The following YTHDC2 variants were observed in gnomAD, a reference collection of about 807,000 sequenced individuals.
The protein encoded by YTHDC2 is YTH N6-methyladenosine RNA binding protein C2.
YTHDC2 carries 45 observed loss-of-function variants against 174.9 expected under a neutral mutation model. The observed-to-expected ratio is 0.26, with a 90% confidence interval of 0.20 to 0.33. The LOEUF is 0.33. Among genes scored for constraint, YTHDC2 ranks in the 10% least tolerant of loss-of-function variants. The pLI is 1.00. For synonymous variants in YTHDC2, 657 were observed against 574.5 expected, an observed-to-expected ratio of 1.14 and a Z score of -2.05; for missense variants, 1,650 against 1,723.7, an observed-to-expected ratio of 0.96 and a Z score of 0.76.
chr5:113,584,421 C>T lies in YTHDC2; in HGVS notation c.3767C>T (p.Thr1256Ile). ...TCAGATCAGTCTTCTCTGAAATCTA[C>T]AGACAGCAGTAGTTACCCAAGTCCT... ...DRSDQSSLKS[T>I]DSSSYPSPCA... The change falls in exon 26 of 30, where the codon ACA becomes ATA. Residue 1256 changes from threonine (T) to isoleucine (I), a missense_variant. By Grantham distance (89) the Thr-to-Ile change is moderately conservative (BLOSUM62 -1). This residue lies in a region of YTHDC2 where 913 missense variants were observed against 940.4 expected (regional missense o/e 0.97). Coordinates refer to ENST00000161863, the MANE Select transcript of YTHDC2 (RefSeq NM_022828.5). 1 of 1,613,812 alleles carries T rather than the reference C, an allele frequency of 6.2e-7. No individual in the cohort carries two copies. Among genetic ancestry groups the T allele is most frequent in the South Asian group, 1.1e-5 (1 of 91,038 alleles).
At chr5:113,581,941 G>T (rs1289722968) in intron 25 of YTHDC2, 2 of 309,524 alleles carry the variant, frequency 6.5e-6, no homozygotes, top group Non-Finnish European at 1.1e-5. Flanking sequence ...ATTTAATAAG[G>T]CAACTCTTTG....
chr5:113,575,898 G>C (rs1343264021), intron 23 of YTHDC2, among the ~76,000 whole-genome samples: 8 of 152,120 alleles, frequency 5.3e-5, no homozygotes. Flanking sequence ...AAGAGAAGTA[G>C]ATATAAAATT....
Position 113,534,280 on chromosome 5 carries a change from C to G in YTHDC2, c.843-25C>G, listed in dbSNP as rs956198473. 94 of 1,592,746 alleles carry G rather than the reference C, an allele frequency of 5.9e-5. 1 individual carries two copies. The Middle Eastern group carries it at 6.6e-4, about 11-fold the overall frequency. Reference sequence around the variant, plus strand: ...TACATGAAAAACTTGCAATTGTGCACTTTGTTTTGCTTTTTTTTTAAAAGG... The same window carrying G: ...TACATGAAAAACTTGCAATTGTGCAGTTTGTTTTGCTTTTTTTTTAAAAGG... On this transcript the variant is annotated intron_variant, in intron 5 of 29. Transcript: ENST00000161863.
rs777375476 is a variant in YTHDC2 at position 113,556,067 on chromosome 5, C to G, written c.2149C>G (p.Leu717Val). The G allele has an allele frequency of 1.2e-6, 2 of 1,603,396 alleles. No individual in the cohort carries two copies. ...AATATTACAGAAATCCTTTGATGCTCTGAATTTTGTTACAATGTTAAAAAT... is the reference window on the plus strand; with the variant it reads ...AATATTACAGAAATCCTTTGATGCTGTGAATTTTGTTACAATGTTAAAAAT... ...GKVKEKSFDA[L>V]NFVTMLKMVW... is the part of the protein sequence containing the mutation. Residue 717 changes from leucine (L) to valine (V), a missense_variant, in exon 17 of 30, where the codon CTG becomes GTG. Around this residue, in one of 5 missense-constraint regions of YTHDC2, gnomAD observed 913 missense variants for 940.4 expected, o/e 0.97. Transcript: ENST00000161863.
chr5:113,575,929 T>G (rs1476290308), intron 23 of YTHDC2, among the ~76,000 whole-genome samples: 1 of 151,002 alleles, frequency 6.6e-6, no homozygotes, highest in East Asian at 2.0e-4. Context: ...TACTAGTAAC[T>G]GCTAGATTGA....
At chr5:113,564,530 C>G (rs1430005146) in intron 20 of YTHDC2, among the ~76,000 whole-genome samples, 4 of 152,084 alleles carry the variant, frequency 2.6e-5, no homozygotes, top group Admixed American at 1.3e-4. Flanking sequence ...ATCGATTTTT[C>G]TTAGAGTTCA....
chr5:113,553,444 G>A, intron 13 of YTHDC2, 85 bp downstream of exon 13: 1 of 1,425,334 alleles, frequency 7.0e-7, no homozygotes. Flanking sequence ...TTATATAATT[G>A]CACTGATAGT....
At position 113,534,293 on chromosome 5, in the gene YTHDC2, T is replaced by G; in HGVS notation, c.843-12T>G. The G allele has an allele frequency of 1.2e-6, 2 of 1,607,256 alleles. No homozygotes were observed. Among genetic ancestry groups the G allele is most frequent in the Non-Finnish European group, 1.7e-6 (2 of 1,175,494 alleles). On this transcript the variant is annotated splice_polypyrimidine_tract_variant and intron_variant, in intron 5 of 29. Coordinates refer to ENST00000161863, the MANE Select transcript of YTHDC2 (RefSeq NM_022828.5). ...TGCAATTGTGCACTTTGTTTTGCTT[T>G]TTTTTTAAAAGGGTTTCTCCAAAGA...
Position 113,564,078 on chromosome 5 carries a change from C to T in YTHDC2, c.2662C>T (p.Arg888Cys), listed in dbSNP as rs750136743. The T allele has an allele frequency of 1.7e-5, 27 of 1,614,000 alleles. No homozygotes were observed. The highest frequency in any genetic ancestry group is 3.3e-4 in the Middle Eastern group (2 of 6,082). ...QKRAAMLCRK[R>C]FTAGAFSDHM... ...ACGTGCAGCTATGCTTTGTAGGAAACGTTTTACTGCAGGAGCTTTCAGTGA... is the reference window on the plus strand; with the variant it reads ...ACGTGCAGCTATGCTTTGTAGGAAATGTTTTACTGCAGGAGCTTTCAGTGA... The change falls in exon 20 of 30, where the codon CGT becomes TGT. Residue 888 changes from arginine to cysteine, a missense_variant. By Grantham distance (180) the Arg-to-Cys change is radical (BLOSUM62 -3). Coordinates refer to ENST00000161863, the MANE Select transcript of YTHDC2 (RefSeq NM_022828.5).
At chr5:113,527,179 TG>T (rs1330127183) in intron 4 of YTHDC2, among the ~76,000 whole-genome samples, 1 of 152,142 alleles carries the variant, frequency 6.6e-6, no homozygotes, top group Non-Finnish European at 1.5e-5. Context: ...ATTTATAAAA[TG>T]GGACTAATCA....
At chr5:113,561,503 T>A (rs1479865584) in intron 18 of YTHDC2, among the ~76,000 whole-genome samples, 5 of 149,914 alleles carry the variant, frequency 3.3e-5, no homozygotes, top group Non-Finnish European at 7.4e-5. Context: ...GAGTCTTGCT[T>A]TGTTGCCCAG....
chr5:113,548,700 C>G (rs1470012441), intron 11 of YTHDC2, 33 bp downstream of exon 11: 5 of 1,579,016 alleles, frequency 3.2e-6, no homozygotes, highest in Middle Eastern at 1.7e-4. Flanking sequence ...CTTCATATAT[C>G]TTTGTATAGC....
At chr5:113,584,577 T>C in intron 26 of YTHDC2, 98 bp downstream of exon 26, 7 of 1,093,820 alleles carry the variant, frequency 6.4e-6, no homozygotes, top group Non-Finnish European at 9.0e-6. Flanking sequence ...ACTTTTCTAA[T>C]TGTGGCCTCT....
chr5:113,545,408 G>A (rs1373392539), intron 10 of YTHDC2, among the ~76,000 whole-genome samples: 1 of 142,740 alleles, frequency 7.0e-6, no homozygotes, highest in Non-Finnish European at 1.5e-5. Context: ...TTTTGAAACA[G>A]GGTCTCACTT....
intron 4 of YTHDC2, among the ~76,000 whole-genome samples, chr5:113,529,765 T>TA (rs1774527001): frequency 6.6e-6 from 1 of 152,158 alleles, no homozygotes; most frequent in Non-Finnish European, 1.5e-5. Flanking sequence ...TTAAACATCT[T>TA]AAAAATAATT....
rs779153500 is a variant in YTHDC2, at chr5:113,525,192, G to T, written c.475+15G>T. On this transcript the variant is annotated intron_variant, in intron 3 of 29. Transcript: ENST00000161863. ...AGTTGAAGCTGGTATGTATTTTCTGGGGAGCTTCCTCATTTACCCTATTAT... is the reference window on the plus strand; with the variant it reads ...AGTTGAAGCTGGTATGTATTTTCTGTGGAGCTTCCTCATTTACCCTATTAT... 1.9e-6 allele frequency: 3 copies of T among 1,546,706 alleles called. No individual in the cohort carries two copies. The highest frequency in any genetic ancestry group is 2.5e-5 in the South Asian group (2 of 79,160).
intron 2 of YTHDC2, among the ~76,000 whole-genome samples, chr5:113,517,081 AG>A (rs1773481718): frequency 6.6e-6 from 1 of 152,214 alleles, no homozygotes; most frequent in Admixed American, 6.5e-5. Context: ...GACTTTAGAA[AG>A]GTATTTGGGT....
intron 23 of YTHDC2, among the ~76,000 whole-genome samples, chr5:113,578,373 T>TTTTGG (rs1273694344): frequency 4.1e-5 from 6 of 145,672 alleles, no homozygotes; most frequent in African/African-American, 1.5e-4. Context: ...GAAGGTTTTG[T>TTTTGG]TTTGTTTTGT....
intron 17 of YTHDC2, chr5:113,556,399 T>A: frequency 4.0e-6 from 1 of 249,678 alleles, no homozygotes; most frequent in Non-Finnish European, 7.6e-6. Flanking sequence ...TCTAAACATA[T>A]GCAATGTAGG....
Sources: gnomAD v4.1 joint callset for allele counts (sites outside exome capture counted in the v4.1 genomes callset) on GRCh38, gnomAD v4.1.1 for gene constraint, gnomAD v4.1.1 regional missense constraint, MANE v1.5 for transcripts, NCBI Gene and HGNC (gene_info 2026-07-23, HGNC 2026-07-21) for gene names.